Variants in SPIDR observed in about 807,000 individuals in gnomAD.
SPIDR encodes DNA repair-scaffolding protein.
SPIDR carries 93 observed loss-of-function variants against 104.6 expected under a neutral mutation model. That is an observed-to-expected ratio of 0.89 (90% CI 0.75 to 1.06). SPIDR has a LOEUF of 1.06. Among genes scored for constraint, SPIDR ranks in the 50% least tolerant of loss-of-function variants. SPIDR has a pLI of 0.00. For missense variants in SPIDR, 1,154 were observed against 1,111.2 expected (o/e 1.04, Z -0.55); for synonymous variants, 431 against 416.9 (o/e 1.03, Z -0.41).
intron 5 of SPIDR, among the ~76,000 whole-genome samples, chr8:47,378,358 A>G (rs2058918502): frequency 6.6e-6 from 1 of 152,376 alleles, no homozygotes; most frequent in East Asian, 1.9e-4. Flanking sequence ...ATTCCTTAAT[A>G]CTAAAGTCCT....
chr8:47,283,416 A>G (rs1394819807), intron 2 of SPIDR, among the ~76,000 whole-genome samples: 1 of 152,214 alleles, frequency 6.6e-6, no homozygotes, highest in East Asian at 1.9e-4. Context: ...AATACCAGAG[A>G]TCACTGATCA....
At chr8:47,623,635 CAAAG>C (rs2065498879) in intron 10 of SPIDR, among the ~76,000 whole-genome samples, 1 of 152,100 alleles carries the variant, frequency 6.6e-6, no homozygotes, top group Non-Finnish European at 1.5e-5. Flanking sequence ...TCAAAAGAGA[CAAAG>C]AAGGCCATTA....
At chr8:47,567,746 C>A (rs1011840657) in intron 8 of SPIDR, among the ~76,000 whole-genome samples, 2 of 146,868 alleles carry the variant, frequency 1.4e-5, no homozygotes, top group African/African-American at 5.0e-5. Flanking sequence ...CTAACTTGAA[C>A]TTTTGTTTTC....
At chr8:47,285,907 G>T (rs923203583) in intron 3 of SPIDR, among the ~76,000 whole-genome samples, 3 of 152,182 alleles carry the variant, frequency 2.0e-5, no homozygotes, top group East Asian at 1.9e-4. Flanking sequence ...GAAATGTTCA[G>T]TGTGGCTAAT....
chr8:47,694,239 C>T (rs1205380224), intron 11 of SPIDR, among the ~76,000 whole-genome samples: 1 of 152,182 alleles, frequency 6.6e-6, no homozygotes, highest in East Asian at 1.9e-4. Flanking sequence ...AATGATTCAG[C>T]AACAAATAGG....
At chr8:47,443,281 T>C (rs1330101409) in intron 8 of SPIDR, among the ~76,000 whole-genome samples, 1 of 151,864 alleles carries the variant, frequency 6.6e-6, no homozygotes, top group Non-Finnish European at 1.5e-5. Context: ...CTTAAGAAAA[T>C]AGAAGAGGCC....
intron 5 of SPIDR, among the ~76,000 whole-genome samples, chr8:47,295,598 C>G (rs1462405526): frequency 6.6e-6 from 1 of 152,064 alleles, no homozygotes; most frequent in Non-Finnish European, 1.5e-5. Flanking sequence ...ACGTAATGTC[C>G]TCCAGGTTCA....
intron 10 of SPIDR, among the ~76,000 whole-genome samples, chr8:47,625,673 C>CT (rs1240792559): frequency 6.6e-6 from 1 of 152,078 alleles, no homozygotes; most frequent in African/African-American, 2.4e-5. Flanking sequence ...AGGAATCCAA[C>CT]TTACAAGGGA....
At chr8:47,703,275 T>G (rs1368752547) in intron 14 of SPIDR, among the ~76,000 whole-genome samples, 4 of 152,372 alleles carry the variant, frequency 2.6e-5, no homozygotes, top group Admixed American at 6.5e-5. Flanking sequence ...AACAAATTCT[T>G]TGCATTTCTC....
At chr8:47,501,316 C>T (rs1030826830) in intron 8 of SPIDR, among the ~76,000 whole-genome samples, 17 of 152,138 alleles carry the variant, frequency 1.1e-4, no homozygotes, top group African/African-American at 3.9e-4. Flanking sequence ...TCTTTTATTT[C>T]ATTGAGCAGT....
chr8:47,554,083 A>G (rs185914533), intron 8 of SPIDR, among the ~76,000 whole-genome samples: 2 of 152,154 alleles, frequency 1.3e-5, no homozygotes, highest in African/African-American at 4.8e-5. Context: ...CAGAACGGCA[A>G]ATGTTGCTGC....
chr8:47,378,487 T>C (rs997415042), intron 5 of SPIDR, among the ~76,000 whole-genome samples: 11 of 152,266 alleles, frequency 7.2e-5, no homozygotes, highest in Admixed American at 5.2e-4. Context: ...TTAAATGTTA[T>C]CTACATACAT....
intron 5 of SPIDR, among the ~76,000 whole-genome samples, chr8:47,388,023 A>G (rs1554649373): frequency 6.6e-6 from 1 of 152,212 alleles, no homozygotes; most frequent in Non-Finnish European, 1.5e-5. Context: ...TCTGTAGGTC[A>G]TGAAGGTCAT....
intron 5 of SPIDR, among the ~76,000 whole-genome samples, chr8:47,371,204 C>T (rs550150421): frequency 6.7e-6 from 1 of 148,682 alleles, no homozygotes; most frequent in South Asian, 2.1e-4. Context: ...ACTGTTGTTT[C>T]AATTACTGAC....
chr8:47,261,084 G>T, intron 1 of SPIDR, 93 bp downstream of exon 1: 1 of 1,201,282 alleles, frequency 8.3e-7, no homozygotes, highest in Non-Finnish European at 1.0e-6. Context: ...GTGCTGGGGT[G>T]AGAGAGGGTG....
chr8:47,496,919 A>G (rs1405768593), intron 8 of SPIDR, among the ~76,000 whole-genome samples: 2 of 151,844 alleles, frequency 1.3e-5, no homozygotes, highest in Non-Finnish European at 2.9e-5. Flanking sequence ...TCTACCTGTC[A>G]GTTTTGGGAG....
intron 3 of SPIDR, among the ~76,000 whole-genome samples, chr8:47,285,158 G>A (rs2038595432): frequency 6.6e-6 from 1 of 152,222 alleles, no homozygotes; most frequent in Non-Finnish European, 1.5e-5. Context: ...ATTGATGACA[G>A]CAGTTGCTCA....
chr8:47,367,322 A>C (rs1446283382), intron 5 of SPIDR, among the ~76,000 whole-genome samples: 1 of 152,196 alleles, frequency 6.6e-6, no homozygotes, highest in Non-Finnish European at 1.5e-5. Flanking sequence ...GCTAGTACAA[A>C]GAATGAGCTT....
chr8:47,311,490 T>G (rs587599199), intron 5 of SPIDR, among the ~76,000 whole-genome samples: 3 of 152,242 alleles, frequency 2.0e-5, no homozygotes, highest in Admixed American at 2.0e-4. Context: ...AAATAACACT[T>G]AAGTACATTA....
Sources: gnomAD v4.1 joint callset for allele counts (sites outside exome capture counted in the v4.1 genomes callset) on GRCh38, gnomAD v4.1.1 for gene constraint, MANE v1.5 for transcripts, NCBI Gene and HGNC (gene_info 2026-07-23, HGNC 2026-07-21) for gene names.